ZNF280D: variants seen among roughly 807,000 people sequenced by gnomAD.
The protein encoded by ZNF280D is zinc finger protein 280D, also known as suppressor of hairy wing homolog 4.
Under a neutral mutation model 94.7 loss-of-function variants are expected in ZNF280D, and 39 were observed. The ratio of observed to expected loss-of-function variants is 0.41; its 90% CI spans 0.32 to 0.54. The LOEUF (loss-of-function observed/expected upper bound fraction) is 0.54. Among genes scored for constraint, ZNF280D ranks in the 20% least tolerant of loss-of-function variants. The probability of loss-of-function intolerance (pLI) is 0.22; values close to 1 mark genes in which losing one functional copy is unlikely to be tolerated. For missense variants in ZNF280D, 1,090 were observed against 1,149.3 expected (o/e 0.95, Z 0.75); for synonymous variants, 398 against 377.6 (o/e 1.05, Z -0.63).
At chr15:56,729,132 G>T (rs2058760902) in intron 1 of ZNF280D, among the ~76,000 whole-genome samples, 1 of 152,036 alleles carries the variant, frequency 6.6e-6, no homozygotes, top group African/African-American at 2.4e-5. Flanking sequence ...AGCAACAGGT[G>T]ACAATGAAAT....
intron 1 of ZNF280D, among the ~76,000 whole-genome samples, chr15:56,728,384 T>C (rs921942483): frequency 6.6e-6 from 1 of 152,168 alleles, no homozygotes; most frequent in Non-Finnish European, 1.5e-5. Flanking sequence ...TGGAAGGAAA[T>C]AGAAAATATA....
At position 56,631,906 on chromosome 15, in the gene ZNF280D, G is replaced by A. The variant is rs779584219; in HGVS notation, c.2532C>T (p.His844=). ...DKVEKKKQIQ[H]VCQEMELKMC... ...TCTTCAACTCCATTTCCTGACAAAC[G>A]TGTTGTATTTGTTTTTTCTTTTCCA... The change falls in exon 22 of 22, where the codon CAC becomes CAT. Residue 844 remains histidine (H), a synonymous_variant. Coordinates refer to ENST00000267807, the MANE Select transcript of ZNF280D (RefSeq NM_017661.4). 9 of 1,613,524 alleles carry A rather than the reference G, an allele frequency of 5.6e-6. No homozygotes were observed. The highest frequency in any genetic ancestry group is 3.3e-5 in the Admixed American group (2 of 59,996).
rs1486911079 is a variant in ZNF280D at position 56,678,651 on chromosome 15, AT to A, written c.1162+12del. On this transcript the variant is annotated intron_variant, in intron 11 of 21. Coordinates refer to ENST00000267807, the MANE Select transcript of ZNF280D (RefSeq NM_017661.4). ...TCAATAATATGGAATATTTAAATGT[AT>A]TGGTAACTTACTAGAAAATTCATGG... The A allele has an allele frequency of 6.4e-7, 1 of 1,568,344 alleles. No individual in the cohort carries two copies. The highest frequency in any genetic ancestry group is 8.6e-7 in the Non-Finnish European group (1 of 1,156,252).
rs1245357341 is a variant in ZNF280D, at chr15:56,677,672, T to C, written c.1165A>G (p.Ile389Val). The part of the protein sequence containing the change: ...STHTPHEFST[I>V]CKICELSFET... ...AATGACAATTCACAGATTTTACAAA[T>C]AGCTAAATGTGGGAGAGAAACAGTA... is the stretch of plus-strand genomic sequence containing the variant. Residue 389 changes from isoleucine to valine, a missense_variant and splice_region_variant, in exon 12 of 22, where the codon ATT becomes GTT. Around this residue, in one of 3 missense-constraint regions of ZNF280D, gnomAD observed 127 missense variants for 208.6 expected, o/e 0.61. Transcript: ENST00000267807. 4 of 1,520,324 alleles carry C rather than the reference T, an allele frequency of 2.6e-6. No individual in the cohort carries two copies. Among genetic ancestry groups the C allele is most frequent in the Admixed American group, 1.8e-5 (1 of 55,500 alleles). 94.2% of individuals were successfully genotyped at this position (1,520,324 alleles called of 1,614,324 possible). A position where few individuals can be genotyped will look rare whatever the true frequency, so the allele number is the denominator to read the frequency against.
At chr15:56,640,764 T>C (rs935550274) in intron 20 of ZNF280D, among the ~76,000 whole-genome samples, 1 of 152,128 alleles carries the variant, frequency 6.6e-6, no homozygotes, top group African/African-American at 2.4e-5. Flanking sequence ...AATTTTTGAA[T>C]ACCATTTCCA....
At chr15:56,669,915 TATATATATA>T (rs1566960243) in intron 13 of ZNF280D, among the ~76,000 whole-genome samples, 245 of 2,308 alleles carry the variant, frequency 0.11, 113 homozygotes, top group South Asian at 0.14. Context: ...ATATATATAT[TATATATATA>T]TTATATATAT....
At chr15:56,648,902 G>A (rs922954257) in intron 19 of ZNF280D, among the ~76,000 whole-genome samples, 1 of 151,958 alleles carries the variant, frequency 6.6e-6, no homozygotes, top group Admixed American at 6.6e-5. Flanking sequence ...TTGATTGCTG[G>A]TCTATTCTCC....
intron 3 of ZNF280D, among the ~76,000 whole-genome samples, chr15:56,706,503 AAC>A (rs1326892408): frequency 1.3e-5 from 2 of 151,808 alleles, no homozygotes; most frequent in Non-Finnish European, 2.9e-5. Context: ...ACAAACAAAA[AAC>A]GAGAAGATGG....
chr15:56,715,434 T>C (rs78360845), intron 1 of ZNF280D, among the ~76,000 whole-genome samples: 5,827 of 152,156 alleles, frequency 0.038, 168 homozygotes, highest in Non-Finnish European at 0.057. Flanking sequence ...TGATTGAAGA[T>C]AGAGTTGTGG....
intron 19 of ZNF280D, chr15:56,652,543 T>G: frequency 2.7e-6 from 2 of 733,714 alleles, no homozygotes; most frequent in Non-Finnish European, 3.3e-6. Flanking sequence ...TAGATCTATA[T>G]TCAATGTAAC....
chr15:56,669,547 G>A (rs1320148538), intron 13 of ZNF280D, among the ~76,000 whole-genome samples: 1 of 151,472 alleles, frequency 6.6e-6, no homozygotes, highest in Non-Finnish European at 1.5e-5. Context: ...TGGCCACTGT[G>A]ACTAAGGAAC....
In ZNF280D at chr15:56,723,820, G is replaced by C. The variant is rs1029318954; in HGVS notation, c.-86+9638C>G. The stretch of plus-strand genomic sequence containing the variant: ...ATAGTTGCTCTTCAGCTTGTGATGG[G>C]GTAATGATTAAACCCATCATTAGCT... On this transcript the variant is annotated intron_variant, in intron 1 of 21. Coordinates refer to ENST00000267807, the MANE Select transcript of ZNF280D (RefSeq NM_017661.4). Among the ~76,000 whole-genome samples, 4 of 150,652 alleles carry C rather than the reference G, an allele frequency of 2.7e-5. No homozygotes were observed. In the Admixed American group the frequency reaches 2.7e-4, roughly 10 times the overall value.
chr15:56,638,658 T>C (rs1359607689), intron 20 of ZNF280D, among the ~76,000 whole-genome samples: 1 of 152,164 alleles, frequency 6.6e-6, no homozygotes, highest in East Asian at 1.9e-4. Flanking sequence ...TCTGTTGCTT[T>C]GGAAAATAGT....
chr15:56,702,595 T>C (rs1249218047), intron 4 of ZNF280D, among the ~76,000 whole-genome samples: 3 of 152,156 alleles, frequency 2.0e-5, no homozygotes, highest in African/African-American at 7.2e-5. Flanking sequence ...ATGTTTTCAA[T>C]AAGAGTTTGA....
At chr15:56,669,030 G>C in intron 13 of ZNF280D, 73 bp from the exon 14 acceptor site, 1 of 1,421,444 alleles carries the variant, frequency 7.0e-7, no homozygotes, top group Non-Finnish European at 9.6e-7. Context: ...TGAAACTGCT[G>C]ACTTAATTTT....
chr15:56,680,601 C>A (rs1438294715), intron 10 of ZNF280D, among the ~76,000 whole-genome samples: 2 of 152,166 alleles, frequency 1.3e-5, no homozygotes, highest in African/African-American at 4.8e-5. Flanking sequence ...CTCAGCCCCA[C>A]AAGTAGCTGG....
intron 16 of ZNF280D, among the ~76,000 whole-genome samples, chr15:56,662,563 T>G (rs1246167187): frequency 6.6e-6 from 1 of 152,050 alleles, no homozygotes; most frequent in Non-Finnish European, 1.5e-5. Context: ...CGGTGGCTCA[T>G]GCCTGTAATC....
At chr15:56,653,599 T>C in intron 19 of ZNF280D, 1 of 1,481,168 alleles carries the variant, frequency 6.8e-7, no homozygotes, top group Non-Finnish European at 8.9e-7. Flanking sequence ...TGCTTCTGCA[T>C]CTGAAAAATA....
intron 9 of ZNF280D, 89 bp from the exon 10 acceptor site, chr15:56,682,566 A>C (rs2055701383): frequency 1.3e-6 from 1 of 795,754 alleles, no homozygotes; most frequent in South Asian, 2.0e-5. Flanking sequence ...TTTACACCTA[A>C]GGCCAGACCA....
Sources: allele counts gnomAD v4.1 joint callset (sites outside exome capture counted in the v4.1 genomes callset), GRCh38; gene constraint gnomAD v4.1.1; regional missense constraint gnomAD v4.1.1; transcripts MANE v1.5; gene names NCBI Gene and HGNC (gene_info 2026-07-23, HGNC 2026-07-21).